ATP2B2: variants seen among roughly 807,000 people sequenced by gnomAD.
The protein encoded by ATP2B2 is ATPase plasma membrane Ca2+ transporting 2.
ATP2B2 carries 15 observed loss-of-function variants against 120.0 expected under a neutral mutation model. The ratio of observed to expected loss-of-function variants is 0.12; its 90% CI spans 0.08 to 0.19. The LOEUF (loss-of-function observed/expected upper bound fraction) is 0.19. ATP2B2 is among the 10% of genes least tolerant of loss of function. ATP2B2 has a pLI of 1.00. For missense variants in ATP2B2, 1,045 were observed against 1,719.8 expected, an observed-to-expected ratio of 0.61 and a Z score of 6.94; for synonymous variants, 694 against 700.3, an observed-to-expected ratio of 0.99 and a Z score of 0.14.
At chr3:10,374,366 T>C (rs2061326357) in intron 11 of ATP2B2, among the ~76,000 whole-genome samples, 1 of 152,212 alleles carries the variant, frequency 6.6e-6, no homozygotes, top group Non-Finnish European at 1.5e-5. Flanking sequence ...GGGCCGTATT[T>C]GTTACACAGA....
chr3:10,529,517 A>AAG (rs1419172872), intron 3 of ATP2B2, among the ~76,000 whole-genome samples: 1 of 152,232 alleles, frequency 6.6e-6, no homozygotes, highest in Non-Finnish European at 1.5e-5. Context: ...CCTGGAAGCT[A>AAG]AGATATCAGT....
At chr3:10,411,822 C>G (rs993838224) in intron 2 of ATP2B2, among the ~76,000 whole-genome samples, 1 of 152,204 alleles carries the variant, frequency 6.6e-6, no homozygotes, top group African/African-American at 2.4e-5. Context: ...GACACTGGTA[C>G]TTTCTCCTCT....
chr3:10,369,028 A>G (rs763840697), intron 12 of ATP2B2, among the ~76,000 whole-genome samples: 2 of 152,222 alleles, frequency 1.3e-5, no homozygotes, highest in Non-Finnish European at 2.9e-5. Flanking sequence ...GACACAGAGG[A>G]ACTGGCCTCC....
chr3:10,478,432 A>G (rs1325322499), intron 1 of ATP2B2, among the ~76,000 whole-genome samples: 4 of 152,216 alleles, frequency 2.6e-5, no homozygotes, highest in African/African-American at 9.6e-5. Flanking sequence ...GTCATAGCCA[A>G]TAAATCATTG....
chr3:10,467,365 G>A (rs1157210808), intron 1 of ATP2B2, among the ~76,000 whole-genome samples: 2 of 152,132 alleles, frequency 1.3e-5, no homozygotes, highest in African/African-American at 2.4e-5. Flanking sequence ...TCACCCTTGA[G>A]AGCCCCGCTC....
intron 2 of ATP2B2, among the ~76,000 whole-genome samples, chr3:10,425,910 G>A (rs2063132044): frequency 6.6e-6 from 1 of 152,152 alleles, no homozygotes; most frequent in South Asian, 2.1e-4. Flanking sequence ...TCAAGCCCTT[G>A]CTCAGAATGC....
intron 1 of ATP2B2, among the ~76,000 whole-genome samples, chr3:10,694,181 G>A (rs1298699150): frequency 6.6e-6 from 1 of 152,204 alleles, no homozygotes; most frequent in Non-Finnish European, 1.5e-5. Flanking sequence ...CTTTGTATGT[G>A]TCTGTGTGTG....
At chr3:10,463,198 C>T (rs1010692360) in intron 1 of ATP2B2, among the ~76,000 whole-genome samples, 3 of 152,150 alleles carry the variant, frequency 2.0e-5, no homozygotes, top group African/African-American at 7.2e-5. Context: ...TTTGACCCTC[C>T]ACCCACTGCC....
chr3:10,334,009 C>T (rs2060050244), intron 22 of ATP2B2, among the ~76,000 whole-genome samples: 1 of 152,190 alleles, frequency 6.6e-6, no homozygotes, highest in South Asian at 2.1e-4. Flanking sequence ...GTGTTGTTCC[C>T]GGACGGGCCC....
chr3:10,468,143 C>T (rs561552831), intron 1 of ATP2B2, among the ~76,000 whole-genome samples: 43 of 152,322 alleles, frequency 2.8e-4, no homozygotes, highest in African/African-American at 1.0e-3. Context: ...AAAGACAGGG[C>T]CACCCTGCTC....
chr3:10,550,472 T>G (rs1003767276), intron 2 of ATP2B2, among the ~76,000 whole-genome samples: 1 of 152,168 alleles, frequency 6.6e-6, no homozygotes, highest in Non-Finnish European at 1.5e-5. Context: ...ATAGACCAGT[T>G]TTTTTTACAC....
At chr3:10,706,485 G>C (rs1178198047) in intron 1 of ATP2B2, among the ~76,000 whole-genome samples, 2 of 152,174 alleles carry the variant, frequency 1.3e-5, no homozygotes, top group African/African-American at 4.8e-5. Flanking sequence ...GTGGGCTTCT[G>C]AGGGCATTGG....
chr3:10,642,934 T>C (rs1478668110), intron 1 of ATP2B2, among the ~76,000 whole-genome samples: 1 of 152,168 alleles, frequency 6.6e-6, no homozygotes, highest in African/African-American at 2.4e-5. Flanking sequence ...TAATTAATCA[T>C]TTTCCTCTAA....
chr3:10,494,457 G>A (rs2066061085), intron 1 of ATP2B2, among the ~76,000 whole-genome samples: 2 of 152,138 alleles, frequency 1.3e-5, no homozygotes, highest in Admixed American at 1.3e-4. Flanking sequence ...TCATGCCCAG[G>A]CCCTCAAGCT....
intron 1 of ATP2B2, among the ~76,000 whole-genome samples, chr3:10,666,632 C>T (rs1341615021): frequency 6.6e-6 from 1 of 152,192 alleles, no homozygotes; most frequent in Non-Finnish European, 1.5e-5. Flanking sequence ...GAGCAGATTC[C>T]ATCTTCTCTG....
chr3:10,348,548 C>T (rs1336520052), intron 16 of ATP2B2, among the ~76,000 whole-genome samples: 3 of 152,220 alleles, frequency 2.0e-5, no homozygotes, highest in Non-Finnish European at 4.4e-5. Flanking sequence ...TCTCCCACCC[C>T]GAGGTCCTGG....
chr3:10,476,448 C>T (rs2065206369), intron 1 of ATP2B2, among the ~76,000 whole-genome samples: 2 of 152,140 alleles, frequency 1.3e-5, no homozygotes, highest in Admixed American at 1.3e-4. Context: ...GATGGCAGAC[C>T]CAGAAAGCAT....
intron 3 of ATP2B2, 59 bp downstream of exon 3, chr3:10,410,559 C>A (rs113931421): frequency 0.027 from 41,525 of 1,525,272 alleles, 682 homozygotes; most frequent in Middle Eastern, 0.053. Context: ...GAGTGCCCCC[C>A]AGCGTGGATG....
intron 2 of ATP2B2, among the ~76,000 whole-genome samples, chr3:10,583,105 C>T (rs775527160): frequency 1.8e-4 from 27 of 152,332 alleles, no homozygotes; most frequent in Middle Eastern, 3.4e-3. Flanking sequence ...TTTGTCATCA[C>T]GACCTCGGTT....
Sources: gnomAD v4.1 joint callset for allele counts (sites outside exome capture counted in the v4.1 genomes callset) on GRCh38, gnomAD v4.1.1 for gene constraint, MANE v1.5 for transcripts, NCBI Gene and HGNC (gene_info 2026-07-23, HGNC 2026-07-21) for gene names.